NUMA1: variants seen among roughly 807,000 people sequenced by gnomAD.
NUMA1 encodes the protein SP-H antigen.
NUMA1 carries 62 observed loss-of-function variants against 237.1 expected under a neutral mutation model. The observed-to-expected ratio is 0.26, with a 90% CI of 0.21 to 0.32. NUMA1 has a LOEUF of 0.32. Among genes scored for constraint, NUMA1 ranks in the 10% least tolerant of loss-of-function variants. NUMA1 has a pLI of 1.00. For missense variants in NUMA1, 2,533 were observed against 2,666.5 expected (o/e 0.95, Z 1.10); for synonymous variants, 1,028 against 1,066.1 (o/e 0.96, Z 0.70).
At chr11:72,065,248 T>G (rs1254730114) in intron 2 of NUMA1, 2 of 152,144 alleles carry the variant, frequency 1.3e-5, no homozygotes, top group Non-Finnish European at 2.9e-5. Context: ...TAATAAATAA[T>G]GGTTACTTCT....
At position 72,007,359 on chromosome 11, in the gene NUMA1, G is replaced by A; in HGVS notation, c.5293C>T (p.Pro1765Ser). 6.2e-7 allele frequency: 1 copy of A among 1,613,776 alleles called. No homozygotes were observed. The change falls in exon 21 of 27, where the codon CCC becomes TCC. Residue 1765 changes from proline to serine, a missense_variant. Coordinates refer to ENST00000393695, the MANE Select transcript of NUMA1 (RefSeq NM_006185.4). ...AGACTCTCCAGGGATTCTACCTTGGGGGGCAGGCGCTGGGAGATAGGTGAG... is the reference window on the plus strand; with the variant it reads ...AGACTCTCCAGGGATTCTACCTTGGAGGGCAGGCGCTGGGAGATAGGTGAG... ...PASPISQRLP[P>S]KVESLESLYF...
intron 8 of NUMA1, chr11:72,020,865 C>CT (rs1938695963): frequency 5.6e-6 from 1 of 178,854 alleles, no homozygotes; most frequent in African/African-American, 2.4e-5. Context: ...GAGAGAGACT[C>CT]TGTCTCAAAA....
chr11:72,035,275 T>C (rs1438010529), intron 3 of NUMA1, among the ~76,000 whole-genome samples: 1 of 152,170 alleles, frequency 6.6e-6, no homozygotes, highest in Admixed American at 6.5e-5. Flanking sequence ...AAGGCAACAT[T>C]TGCTGATGGA....
At chr11:72,058,375 T>A (rs900878479) in intron 2 of NUMA1, among the ~76,000 whole-genome samples, 2 of 151,972 alleles carry the variant, frequency 1.3e-5, no homozygotes, top group African/African-American at 4.8e-5. Flanking sequence ...CTGCAACTTA[T>A]CTCATCTAAC....
chr11:72,063,515 A>G (rs543647298), intron 2 of NUMA1, among the ~76,000 whole-genome samples: 1 of 151,178 alleles, frequency 6.6e-6, no homozygotes, highest in Non-Finnish European at 1.5e-5. Context: ...TTCTCGCCTC[A>G]GCCTCCCAAA....
At position 72,009,440 on chromosome 11, in the gene NUMA1, G is replaced by A. The variant is rs536878353; in HGVS notation, c.4720-53C>T. On this transcript the variant is annotated intron_variant, in intron 17 of 26. Coordinates refer to ENST00000393695, the MANE Select transcript of NUMA1 (RefSeq NM_006185.4). ...TGGTCTGGCCGCTCTACCCAAGTCC[G>A]CTTATCTGCACCAGCCACTGGGGCT... 6.4e-5 allele frequency: 98 copies of A among 1,541,904 alleles called. 1 individual carries two copies. The East Asian group carries it at 7.2e-4, about 11-fold the overall frequency.
chr11:72,054,914 T>C (rs1191225029), intron 2 of NUMA1, among the ~76,000 whole-genome samples: 1 of 152,154 alleles, frequency 6.6e-6, no homozygotes, highest in African/African-American at 2.4e-5. Flanking sequence ...GCATTTGCGA[T>C]TGAAGTTTGT....
At chr11:72,006,384 A>G (rs1955701127) in intron 21 of NUMA1, 121 bp from the exon 22 acceptor site, 1 of 769,608 alleles carries the variant, frequency 1.3e-6, no homozygotes, top group Admixed American at 2.8e-5. Flanking sequence ...TGCTTTGCAA[A>G]GGTCCTTAAA....
chr11:72,017,524 G>A, intron 13 of NUMA1, 163 bp downstream of exon 13: 2 of 786,234 alleles, frequency 2.5e-6, no homozygotes, highest in Non-Finnish European at 4.2e-6. Flanking sequence ...AAAAAAAAAA[G>A]GTGTACTAGA....
chr11:72,033,791 C>T (rs765328457), intron 3 of NUMA1, among the ~76,000 whole-genome samples: 60 of 151,944 alleles, frequency 3.9e-4, no homozygotes, highest in Non-Finnish European at 6.8e-4. Flanking sequence ...GAGGTCAAGG[C>T]GGGTGGATCA....
intron 3 of NUMA1, among the ~76,000 whole-genome samples, chr11:72,029,729 T>C (rs1052014675): frequency 6.6e-6 from 1 of 152,248 alleles, no homozygotes; most frequent in Non-Finnish European, 1.5e-5. Context: ...TAAGTTTCTG[T>C]ATCCCTTGGA....
At chr11:72,017,879 C>T (rs1276926959) in intron 12 of NUMA1, 52 bp from the exon 13 acceptor site, 8 of 1,573,638 alleles carry the variant, frequency 5.1e-6, no homozygotes, top group East Asian at 2.3e-5. Flanking sequence ...GCTGACCCCA[C>T]CACTGCTGTC....
Sources: allele counts gnomAD v4.1 joint callset (sites outside exome capture counted in the v4.1 genomes callset), GRCh38; gene constraint gnomAD v4.1.1; transcripts MANE v1.5; gene names NCBI Gene and HGNC (gene_info 2026-07-23, HGNC 2026-07-21).